UBE2R2: variants seen among roughly 807,000 people sequenced by gnomAD.
The protein encoded by UBE2R2 is ubiquitin conjugating enzyme E2 R2, also known as ubiquitin-conjugating enzyme E2 R2.
UBE2R2 carries 1 observed loss-of-function variant against 27.8 expected under a neutral mutation model. The ratio of observed to expected loss-of-function variants is 0.04; its 90% CI spans 0.01 to 0.17. The LOEUF (loss-of-function observed/expected upper bound fraction) is 0.17. Among genes scored for constraint, UBE2R2 ranks in the 10% least tolerant of loss-of-function variants. The probability of loss-of-function intolerance (pLI) is 1.00; values close to 1 mark genes in which losing one functional copy is unlikely to be tolerated. For synonymous variants in UBE2R2, 106 were observed against 113.3 expected (o/e 0.94, Z 0.41); for missense variants, 100 against 291.0 (o/e 0.34, Z 4.78).
intron 1 of UBE2R2, among the ~76,000 whole-genome samples, chr9:33,863,243 G>A (rs929889875): frequency 6.6e-6 from 1 of 151,322 alleles, no homozygotes; most frequent in African/African-American, 2.4e-5. Flanking sequence ...TACATGGTAA[G>A]CCGGGCGTGG....
chr9:33,915,153 G>A (rs955198463), intron 4 of UBE2R2, among the ~76,000 whole-genome samples: 1 of 151,504 alleles, frequency 6.6e-6, no homozygotes, highest in African/African-American at 2.4e-5. Flanking sequence ...AAATCAAATA[G>A]TTGGCCAGGG....
Position 33,917,536 on chromosome 9 carries a change from G to T in UBE2R2, c.*299G>T. 1 of 533,398 alleles carries T rather than the reference G, an allele frequency of 1.9e-6. No homozygotes were observed. The highest frequency in any genetic ancestry group is 3.3e-6 in the Non-Finnish European group (1 of 305,810). The allele number at this position is 533,398 out of a possible 1,614,324, so 33.0% of individuals were successfully genotyped here. The stretch of plus-strand genomic sequence containing the variant: ...ACTCCCGCCTCACTTCGTCTCTACA[G>T]AATGTTCACAGCAAAACACGTTTGG... On this transcript the variant is annotated 3_prime_UTR_variant, in exon 5 of 5. Coordinates refer to ENST00000263228, the MANE Select transcript of UBE2R2 (RefSeq NM_017811.4).
intron 1 of UBE2R2, among the ~76,000 whole-genome samples, chr9:33,846,230 A>C (rs937344587): frequency 6.6e-5 from 10 of 152,140 alleles, no homozygotes; most frequent in Non-Finnish European, 1.2e-4. Flanking sequence ...CAGGAAGCAG[A>C]GGTTGCTCTG....
intron 1 of UBE2R2, among the ~76,000 whole-genome samples, chr9:33,861,818 C>T (rs1018140669): frequency 6.6e-6 from 1 of 151,020 alleles, no homozygotes; most frequent in Non-Finnish European, 1.5e-5. Context: ...AATGACTGTC[C>T]CCAGAGATAC....
intron 4 of UBE2R2, among the ~76,000 whole-genome samples, chr9:33,913,804 A>C (rs1587486386): frequency 6.6e-6 from 1 of 152,226 alleles, no homozygotes; most frequent in Non-Finnish European, 1.5e-5. Flanking sequence ...GATCACTTTT[A>C]AACTGTCCCT....
chr9:33,833,569 A>G (rs1188466346), intron 1 of UBE2R2, among the ~76,000 whole-genome samples: 1 of 152,236 alleles, frequency 6.6e-6, no homozygotes, highest in African/African-American at 2.4e-5. Flanking sequence ...AGATTATATG[A>G]AAAGAAGGAT....
Position 33,896,656 on chromosome 9 carries a change from G to T in UBE2R2, c.265-3518G>T, listed in dbSNP as rs1257619275. ...GTAGAGACGGGGTTTCACCGTGTTAGCCAGGATGGTCTTGATCTCCTGACC... is the reference window on the plus strand; with the variant it reads ...GTAGAGACGGGGTTTCACCGTGTTATCCAGGATGGTCTTGATCTCCTGACC... On this transcript the variant is annotated intron_variant, in intron 2 of 4. Transcript: ENST00000263228. Among the ~76,000 whole-genome samples the T allele has an allele frequency of 2.0e-5, 3 of 150,522 alleles. No homozygotes were observed. In the Admixed American group the frequency reaches 2.0e-4, roughly 10 times the overall value.
intron 1 of UBE2R2, among the ~76,000 whole-genome samples, chr9:33,834,173 T>C (rs912921319): frequency 1.3e-5 from 2 of 151,636 alleles, no homozygotes; most frequent in African/African-American, 2.4e-5. Flanking sequence ...TTAGGTGTAG[T>C]GACGGATTCT....
intron 1 of UBE2R2, among the ~76,000 whole-genome samples, chr9:33,883,442 G>A (rs1376280526): frequency 6.6e-6 from 1 of 152,118 alleles, no homozygotes; most frequent in Non-Finnish European, 1.5e-5. Flanking sequence ...AAGGCCGAGT[G>A]CGGTGGCTCA....
At chr9:33,895,214 G>A (rs1822074294) in intron 2 of UBE2R2, among the ~76,000 whole-genome samples, 1 of 152,090 alleles carries the variant, frequency 6.6e-6, no homozygotes, top group African/African-American at 2.4e-5. Flanking sequence ...TCTATTTTCA[G>A]TTAATTTTTG....
upstream of UBE2R2, among the ~76,000 whole-genome samples, chr9:33,815,800 T>A (rs189690323): frequency 2.6e-5 from 4 of 152,346 alleles, no homozygotes; most frequent in East Asian, 7.7e-4. Flanking sequence ...TAAAGTTTTT[T>A]TCTTTCAAGT....
intron 1 of UBE2R2, 41 bp downstream of exon 1, chr9:33,817,975 G>A (rs370710639): frequency 6.3e-7 from 1 of 1,574,848 alleles, no homozygotes; most frequent in Non-Finnish European, 8.6e-7. Flanking sequence ...CCGCGGCCGA[G>A]GCCTCCGGCT....
chr9:33,908,996 G>A (rs1215515363), intron 3 of UBE2R2, among the ~76,000 whole-genome samples: 1 of 126,416 alleles, frequency 7.9e-6, no homozygotes, highest in Admixed American at 7.8e-5. Context: ...AACATAGTGA[G>A]ACCCTGTCTT....
At chr9:33,866,865 A>G (rs1341456536) in intron 1 of UBE2R2, among the ~76,000 whole-genome samples, 2 of 152,158 alleles carry the variant, frequency 1.3e-5, no homozygotes, top group Non-Finnish European at 2.9e-5. Flanking sequence ...TGTGTATGTG[A>G]ATCCACATAC....
chr9:33,842,578 A>G (rs1322446894), intron 1 of UBE2R2, among the ~76,000 whole-genome samples: 2 of 152,108 alleles, frequency 1.3e-5, no homozygotes, highest in East Asian at 3.9e-4. Context: ...CTCGAATGAG[A>G]TTTCCTCTTT....
chr9:33,841,574 C>T (rs753600535), intron 1 of UBE2R2, among the ~76,000 whole-genome samples: 3 of 152,070 alleles, frequency 2.0e-5, no homozygotes, highest in Non-Finnish European at 4.4e-5. Flanking sequence ...GTATTTAGGG[C>T]GCCTAATATG....
intron 1 of UBE2R2, among the ~76,000 whole-genome samples, chr9:33,850,230 G>A (rs1323480806): frequency 2.6e-5 from 4 of 152,092 alleles, no homozygotes; most frequent in Non-Finnish European, 5.9e-5. Context: ...TCAGCTTGGC[G>A]TCCAGTAATT....
chr9:33,837,176 G>A (rs1216380907), intron 1 of UBE2R2, among the ~76,000 whole-genome samples: 2 of 152,088 alleles, frequency 1.3e-5, no homozygotes, highest in Non-Finnish European at 2.9e-5. Flanking sequence ...ATATAGAACA[G>A]TCTGAATTAA....
chr9:33,824,956 A>C (rs890562905), intron 1 of UBE2R2, among the ~76,000 whole-genome samples: 4 of 152,284 alleles, frequency 2.6e-5, no homozygotes, highest in African/African-American at 9.6e-5. Context: ...TAGATTTGCT[A>C]AAATAAGGAT....
Sources: gnomAD v4.1 joint callset for allele counts (sites outside exome capture counted in the v4.1 genomes callset) on GRCh38, gnomAD v4.1.1 for gene constraint, MANE v1.5 for transcripts, NCBI Gene and HGNC (gene_info 2026-07-23, HGNC 2026-07-21) for gene names.